ZNF469: variants seen among roughly 807,000 people sequenced by gnomAD.
ZNF469 encodes zinc finger protein 469.
A neutral mutation model predicts 1.0 loss-of-function variants in ZNF469; 1 was observed. The ratio of observed to expected loss-of-function variants is 1.00; its 90% CI spans 0.35 to 4.73. The LOEUF (loss-of-function observed/expected upper bound fraction) is 4.73. Ranked by LOEUF, ZNF469 falls within the 30% of genes most tolerant of loss-of-function variation. The pLI, the probability that ZNF469 is intolerant of heterozygous loss-of-function variation, is 0.16. For synonymous variants in ZNF469, 2,703 were observed against 2,363.4 expected, an observed-to-expected ratio of 1.14 and a Z score of -4.17; for missense variants, 6,100 against 5,356.3, an observed-to-expected ratio of 1.14 and a Z score of -4.33.
the ZNF469 span, among the ~76,000 whole-genome samples, chr16:88,184,178 G>C: frequency 6.6e-6 from 1 of 152,080 alleles, no homozygotes; most frequent in African/African-American, 2.4e-5. Flanking sequence ...TCACGTGGCT[G>C]GGACTGATTC....
At chr16:88,265,551 A>G in the ZNF469 span, among the ~76,000 whole-genome samples, 1 of 152,196 alleles carries the variant, frequency 6.6e-6, no homozygotes, top group African/African-American at 2.4e-5. Context: ...GGGTGCGTCC[A>G]GTAAAGGAGT....
At chr16:88,361,589 T>C in the ZNF469 span, among the ~76,000 whole-genome samples, 1 of 152,308 alleles carries the variant, frequency 6.6e-6, no homozygotes, top group African/African-American at 2.4e-5. Flanking sequence ...ATTCTTTATA[T>C]GCCCTGGATA....
chr16:88,424,210 C>A lies in ZNF469; in HGVS notation c.-191-597C>A, dbSNP rs116975925. On this transcript the variant is annotated intron_variant, in intron 1 of 2. Coordinates refer to ENST00000565624, the MANE Select transcript of ZNF469 (RefSeq NM_001367624.2). This position sits in a 1 kb window ranked among gnomAD's most constrained non-coding sequence, Gnocchi z 4.3. ...CAGCCTGGATGCGAGGACGAGTGGA[C>A]AGAGAGTGAGAAACCTCTTCACGGA... Among the ~76,000 whole-genome samples, 836 of 152,300 alleles carry A rather than the reference C, an allele frequency of 5.5e-3. 9 individuals carry two copies. The highest frequency in any genetic ancestry group is 7.5e-3 in the Non-Finnish European group (513 of 68,034).
At position 88,433,087 on chromosome 16, in the gene ZNF469, G is replaced by C. The variant is rs1445500885; in HGVS notation, c.5617G>C (p.Ala1873Pro). 1.9e-6 allele frequency: 3 copies of C among 1,550,304 alleles called. No homozygotes were observed. Among genetic ancestry groups the C allele is most frequent in the Non-Finnish European group, 2.6e-6 (3 of 1,146,948 alleles). The change falls in exon 3 of 3, where the codon GCT (alanine) becomes CCT (proline). Residue 1873 changes from alanine (A) to proline (P), a missense_variant. Physicochemically the swap from Ala to Pro is conservative, Grantham distance 27. Transcript: ENST00000565624. ...SSLTAPRGRE[A>P]WLVPVPSPAC... is the part of the protein sequence containing the mutation. ...ACTGACTGCCCCCCGGGGCAGGGAG[G>C]CTTGGTTGGTCCCTGTGCCAAGTCC...
chr16:88,412,995 C>G (rs546876034), intron 1 of ZNF469, among the ~76,000 whole-genome samples: 1 of 152,228 alleles, frequency 6.6e-6, no homozygotes, highest in East Asian at 1.9e-4. Flanking sequence ...CGACCCCCAC[C>G]TGAGTGGGAG....
chr16:88,216,632 G>C, the ZNF469 span, among the ~76,000 whole-genome samples: 2 of 152,124 alleles, frequency 1.3e-5, no homozygotes, highest in Non-Finnish European at 2.9e-5. Context: ...ATCTGGTTTT[G>C]GAAGTCTTCA....
chr16:88,433,972 T>G lies in ZNF469; in HGVS notation c.6502T>G (p.Cys2168Gly). 1.3e-6 allele frequency: 2 copies of G among 1,550,234 alleles called. No individual in the cohort carries two copies. Among genetic ancestry groups the G allele is most frequent in the Non-Finnish European group, 1.7e-6 (2 of 1,146,902 alleles). ...DPPGPQQLLA[C>G]SPAWAPLEEA... ...TCCCGGCCCCCAGCAGCTGCTGGCC[T>G]GTTCTCCTGCCTGGGCACCTCTGGA... Residue 2168 changes from cysteine to glycine, a missense_variant, in exon 3 of 3, where the codon TGT becomes GGT. Physicochemically the swap from Cys to Gly is radical, Grantham distance 159. Transcript: ENST00000565624.
At chr16:88,299,651 G>T in the ZNF469 span, among the ~76,000 whole-genome samples, 1 of 152,180 alleles carries the variant, frequency 6.6e-6, no homozygotes, top group Non-Finnish European at 1.5e-5. Flanking sequence ...TCAGGTCGCT[G>T]TGATCCCACT....
At chr16:88,279,902 A>G in the ZNF469 span, among the ~76,000 whole-genome samples, 1 of 149,328 alleles carries the variant, frequency 6.7e-6, no homozygotes, top group South Asian at 2.1e-4. Flanking sequence ...GTGCTGCACC[A>G]CGCCGACACT....
chr16:88,105,925 C>G, the ZNF469 span, among the ~76,000 whole-genome samples: 1 of 152,250 alleles, frequency 6.6e-6, no homozygotes, highest in Admixed American at 6.5e-5. Flanking sequence ...GACAGCAGGG[C>G]CTGGCTGGCC....
intron 1 of ZNF469, among the ~76,000 whole-genome samples, chr16:88,413,448 C>A (rs1229075287): frequency 6.6e-6 from 1 of 152,242 alleles, no homozygotes; most frequent in Non-Finnish European, 1.5e-5. Context: ...CCGTGGCTTT[C>A]CCAGCACAGA....
At chr16:88,313,384 T>G in the ZNF469 span, among the ~76,000 whole-genome samples, 8 of 152,250 alleles carry the variant, frequency 5.3e-5, no homozygotes, top group African/African-American at 1.9e-4. Flanking sequence ...TTGTAATTCT[T>G]TCTCTAGTCC....
chr16:88,172,104 G>T, the ZNF469 span, among the ~76,000 whole-genome samples: 1 of 152,230 alleles, frequency 6.6e-6, no homozygotes, highest in Non-Finnish European at 1.5e-5. Flanking sequence ...GAGTAGAGGA[G>T]ATAGAAATGA....
the ZNF469 span, among the ~76,000 whole-genome samples, chr16:88,209,667 T>G: frequency 1.3e-5 from 2 of 152,200 alleles, no homozygotes; most frequent in African/African-American, 2.4e-5. Flanking sequence ...ATGTTAGAGA[T>G]AGTCTTTTAC....
At chr16:88,271,411 C>T in the ZNF469 span, among the ~76,000 whole-genome samples, 3 of 134,314 alleles carry the variant, frequency 2.2e-5, no homozygotes, top group Non-Finnish European at 3.4e-5. Context: ...TAGAACAGCC[C>T]AGACAGAGGC....
the ZNF469 span, among the ~76,000 whole-genome samples, chr16:88,230,175 C>T: frequency 6.6e-6 from 1 of 152,226 alleles, no homozygotes; most frequent in Non-Finnish European, 1.5e-5. Flanking sequence ...ATTTTGGGTT[C>T]TAGTCCCGCT....
At chr16:88,228,280 G>A in the ZNF469 span, among the ~76,000 whole-genome samples, 4 of 152,248 alleles carry the variant, frequency 2.6e-5, 1 homozygote, top group African/African-American at 4.8e-5. Context: ...TCCGAGCAAC[G>A]GGATGAGGGC....
At chr16:88,115,075 C>T in the ZNF469 span, among the ~76,000 whole-genome samples, 7,688 of 152,226 alleles carry the variant, frequency 0.051, 313 homozygotes, top group East Asian at 0.21. Context: ...CGCAGGGAAA[C>T]GCAGGTGGTT....
the ZNF469 span, among the ~76,000 whole-genome samples, chr16:88,275,565 C>T: frequency 6.6e-6 from 1 of 152,186 alleles, no homozygotes; most frequent in Admixed American, 6.5e-5. Context: ...CAGCATCCTT[C>T]CACCTCTGTC....
Sources: allele counts gnomAD v4.1 joint callset (sites outside exome capture counted in the v4.1 genomes callset), GRCh38; gene constraint gnomAD v4.1.1; non-coding constraint Gnocchi (gnomAD v3.1); transcripts MANE v1.5; gene names NCBI Gene and HGNC (gene_info 2026-07-23, HGNC 2026-07-21).